The following ZNF469 variants were observed in gnomAD, a reference collection of about 807,000 sequenced individuals.
ZNF469 encodes zinc finger protein 469.
A neutral mutation model predicts 1.0 loss-of-function variants in ZNF469; 1 was observed. That is an observed-to-expected ratio of 1.00 (90% CI 0.35 to 4.73). The LOEUF is 4.73. Among genes scored for constraint, ZNF469 ranks in the 30% most tolerant of loss-of-function variants. The probability of loss-of-function intolerance (pLI) is 0.16; values close to 1 mark genes in which losing one functional copy is unlikely to be tolerated. For synonymous variants in ZNF469, 2,703 were observed against 2,363.4 expected (o/e 1.14, Z -4.17); for missense variants, 6,100 against 5,356.3 (o/e 1.14, Z -4.33).
chr16:88,369,493 A>G, the ZNF469 span, among the ~76,000 whole-genome samples: 1 of 152,202 alleles, frequency 6.6e-6, no homozygotes, highest in Admixed American at 6.5e-5. Context: ...GAATATGGGA[A>G]TTGAAGTCGG....
Position 88,427,549 on chromosome 16 carries a change from C to A in ZNF469, c.79C>A (p.Pro27Thr), listed in dbSNP as rs567229543. ...DLQPRQVASS[P>T]GHPSQPPLED... is the part of the protein sequence containing the mutation. ...GCAGCCCCGCCAAGTTGCCAGCAGC[C>A]CGGGGCACCCCTCCCAGCCGCCACT... Residue 27 changes from proline to threonine, a missense_variant, in exon 3 of 3, where the codon CCG becomes ACG. Physicochemically the swap from Pro to Thr is conservative, Grantham distance 38. Coordinates refer to ENST00000565624, the MANE Select transcript of ZNF469 (RefSeq NM_001367624.2). 12 of 1,536,976 alleles carry A rather than the reference C, an allele frequency of 7.8e-6. No individual in the cohort carries two copies. The highest frequency in any genetic ancestry group is 5.9e-5 in the Admixed American group (3 of 50,966).
Position 88,438,478 on chromosome 16 carries a change from G to A in ZNF469, c.11008G>A (p.Ala3670Thr), listed in dbSNP as rs527970445. The A allele has an allele frequency of 1.2e-5, 18 of 1,550,084 alleles. No homozygotes were observed. The highest frequency in any genetic ancestry group is 5.9e-5 in the South Asian group (5 of 84,064). The part of the protein sequence containing the change: ...GPRGAFHKGS[A>T]TKPAGCQSSS... ...CCGAGGCGCCTTCCACAAGGGCAGC[G>A]CCACCAAGCCTGCGGGCTGCCAGAG... The change falls in exon 3 of 3, where the codon GCC (alanine) becomes ACC (threonine). Residue 3670 changes from alanine (A) to threonine (T), a missense_variant. Ala to Thr is a moderately conservative substitution (Grantham distance 58). Coordinates refer to ENST00000565624, the MANE Select transcript of ZNF469 (RefSeq NM_001367624.2).
At chr16:88,144,217 G>A in the ZNF469 span, among the ~76,000 whole-genome samples, 3 of 152,248 alleles carry the variant, frequency 2.0e-5, no homozygotes, top group Non-Finnish European at 4.4e-5. Flanking sequence ...GTGGTGGGGA[G>A]GGCGGGGGGC....
chr16:88,282,683 G>A, the ZNF469 span, among the ~76,000 whole-genome samples: 26 of 152,198 alleles, frequency 1.7e-4, no homozygotes, highest in Non-Finnish European at 3.8e-4. Flanking sequence ...TTTATGCAGT[G>A]CAGAGCAGAG....
chr16:88,401,331 C>T (rs899563024), intron 1 of ZNF469, among the ~76,000 whole-genome samples: 1 of 152,234 alleles, frequency 6.6e-6, no homozygotes, highest in African/African-American at 2.4e-5. Context: ...CAGTGGCTTA[C>T]TCCAGGACGC....
At chr16:88,145,681 C>T in the ZNF469 span, among the ~76,000 whole-genome samples, 2 of 152,266 alleles carry the variant, frequency 1.3e-5, no homozygotes, top group African/African-American at 4.8e-5. Context: ...CCTGGCTGGG[C>T]TTTCACGTCC....
At chr16:88,281,906 G>T in the ZNF469 span, among the ~76,000 whole-genome samples, 1 of 152,250 alleles carries the variant, frequency 6.6e-6, no homozygotes, top group African/African-American at 2.4e-5. Context: ...TGCTTGGTCA[G>T]TAGTGTCTGG....
chr16:88,242,422 C>G, the ZNF469 span, among the ~76,000 whole-genome samples: 1 of 152,162 alleles, frequency 6.6e-6, no homozygotes, highest in South Asian at 2.1e-4. Flanking sequence ...CCGCCTTCTC[C>G]TTGTGACCTC....
the ZNF469 span, among the ~76,000 whole-genome samples, chr16:88,135,637 G>T: frequency 1.3e-5 from 2 of 151,956 alleles, no homozygotes; most frequent in African/African-American, 4.8e-5. Flanking sequence ...CCCACACCCG[G>T]GGCCCCTCTT....
At chr16:88,304,284 A>G in the ZNF469 span, among the ~76,000 whole-genome samples, 1 of 152,154 alleles carries the variant, frequency 6.6e-6, no homozygotes, top group African/African-American at 2.4e-5. Context: ...CACCAGTGAC[A>G]CCAGGGCGAT....
chr16:88,437,084 G>A lies in ZNF469; in HGVS notation c.9614G>A (p.Gly3205Glu), dbSNP rs1389866292. 1.1e-5 allele frequency: 17 copies of A among 1,543,980 alleles called. No individual in the cohort carries two copies. The highest frequency in any genetic ancestry group is 1.2e-5 in the South Asian group (1 of 83,936). Residue 3205 changes from glycine (G) to glutamate (E), a missense_variant, in exon 3 of 3, where the codon GGG (glycine) becomes GAG (glutamate). Gly to Glu is a moderately conservative substitution (Grantham distance 98). Coordinates refer to ENST00000565624, the MANE Select transcript of ZNF469 (RefSeq NM_001367624.2). Reference sequence around the variant, plus strand: ...CACGCGGTCCGCTTCGCCCGCAGGGGGCAGGCGCGGAGGTCCTTGGGGGAC... The same window carrying A: ...CACGCGGTCCGCTTCGCCCGCAGGGAGCAGGCGCGGAGGTCCTTGGGGGAC... ...REHAVRFARR[G>E]QARRSLGDLP...
chr16:88,153,839 G>C, the ZNF469 span, among the ~76,000 whole-genome samples: 1 of 152,200 alleles, frequency 6.6e-6, no homozygotes, highest in Non-Finnish European at 1.5e-5. Flanking sequence ...TAGAATGAGA[G>C]TGAGAGAGAG....
chr16:88,132,047 C>G, the ZNF469 span, among the ~76,000 whole-genome samples: 1 of 152,232 alleles, frequency 6.6e-6, no homozygotes, highest in African/African-American at 2.4e-5. Flanking sequence ...CCCAGCCTCT[C>G]CATCGGCTTT....
the ZNF469 span, among the ~76,000 whole-genome samples, chr16:88,263,573 T>G: frequency 6.6e-6 from 1 of 152,090 alleles, no homozygotes; most frequent in Non-Finnish European, 1.5e-5. Flanking sequence ...TGTGGGCAAA[T>G]CCCTGGGACC....
At chr16:88,244,450 TGGATGGGTGGAA>T in the ZNF469 span, among the ~76,000 whole-genome samples, 3 of 150,426 alleles carry the variant, frequency 2.0e-5, no homozygotes, top group South Asian at 6.4e-4. Flanking sequence ...GATAGATGGA[TGGATGGGTGGAA>T]GGATGGGTGG....
the ZNF469 span, among the ~76,000 whole-genome samples, chr16:88,182,357 T>TC: frequency 6.6e-6 from 1 of 152,270 alleles, no homozygotes; most frequent in East Asian, 1.9e-4. Flanking sequence ...GACTTTTTTT[T>TC]TCTTTTAGAA....
the ZNF469 span, among the ~76,000 whole-genome samples, chr16:88,189,790 G>A: frequency 0.095 from 14,492 of 152,158 alleles, 955 homozygotes; most frequent in East Asian, 0.26. This position sits in a 1 kb window ranked among gnomAD's most constrained non-coding sequence, Gnocchi z 4.3. Flanking sequence ...ATGGTGGCAG[G>A]CACCTGTAAT....
At chr16:88,270,223 C>G in the ZNF469 span, among the ~76,000 whole-genome samples, 3 of 152,190 alleles carry the variant, frequency 2.0e-5, no homozygotes, top group African/African-American at 4.8e-5. Context: ...CTGCTCCCCA[C>G]CCTGGGCCCA....
the ZNF469 span, among the ~76,000 whole-genome samples, chr16:88,196,475 A>G: frequency 4.6e-5 from 7 of 152,246 alleles, no homozygotes; most frequent in Admixed American, 2.6e-4. Flanking sequence ...TCCAACGTTC[A>G]GAATGAACTC....
Sources: allele counts gnomAD v4.1 joint callset (sites outside exome capture counted in the v4.1 genomes callset), GRCh38; gene constraint gnomAD v4.1.1; non-coding constraint Gnocchi (gnomAD v3.1); transcripts MANE v1.5; gene names NCBI Gene and HGNC (gene_info 2026-07-23, HGNC 2026-07-21).